Variants in GNPDA1 observed in about 807,000 individuals in gnomAD.
GNPDA1 encodes glucosamine-6-phosphate deaminase 1.
A neutral mutation model predicts 28.5 loss-of-function variants in GNPDA1; 24 were observed. That is an observed-to-expected ratio of 0.84 (90% CI 0.61 to 1.19). GNPDA1 has a LOEUF of 1.19. Among genes scored for constraint, GNPDA1 ranks in the 50% most tolerant of loss-of-function variants. The probability of loss-of-function intolerance (pLI) is 0.00; values close to 1 mark genes in which losing one functional copy is unlikely to be tolerated. For missense variants in GNPDA1, 264 were observed against 367.3 expected, an observed-to-expected ratio of 0.72 and a Z score of 2.30; for synonymous variants, 147 against 139.3, an observed-to-expected ratio of 1.06 and a Z score of -0.39.
intron 2 of GNPDA1, among the ~76,000 whole-genome samples, chr5:142,009,553 G>C (rs1414202613): frequency 4.6e-5 from 7 of 152,142 alleles, no homozygotes; most frequent in Non-Finnish European, 8.8e-5. Context: ...GGCTAGAACA[G>C]CTTTGCATAC....
At chr5:142,009,648 C>T (rs1755896013) in intron 2 of GNPDA1, among the ~76,000 whole-genome samples, 1 of 152,108 alleles carries the variant, frequency 6.6e-6, no homozygotes, top group South Asian at 2.1e-4. Flanking sequence ...TGTGACAAGG[C>T]CTTAGCTATG....
rs923012726 is a variant in GNPDA1, at chr5:142,003,351, G to A, written c.595-89C>T. 2.5e-5 allele frequency: 22 copies of A among 866,010 alleles called. No homozygotes were observed. The East Asian group carries it at 5.1e-4, about 20-fold the overall frequency. The allele number at this position is 866,010 out of a possible 1,614,324, so 53.6% of individuals were successfully genotyped here. On this transcript the variant is annotated intron_variant, in intron 5 of 6. Coordinates refer to ENST00000311337, the MANE Select transcript of GNPDA1 (RefSeq NM_005471.5). The surrounding 1 kb of genome is among the most constrained non-coding windows in gnomAD (Gnocchi z 4.0). ...GGATGATTGTTTTTCATATCACATT[G>A]TAAGTGGTTACCATGCAACATACTT...
At chr5:142,010,439 G>C (rs553493833) in intron 2 of GNPDA1, among the ~76,000 whole-genome samples, 1 of 148,980 alleles carries the variant, frequency 6.7e-6, no homozygotes, top group South Asian at 2.2e-4. Context: ...GATTACAGGC[G>C]TGAGCCACCA....
intron 2 of GNPDA1, among the ~76,000 whole-genome samples, chr5:142,008,791 AT>A (rs1755869412): frequency 1.3e-5 from 2 of 152,198 alleles, no homozygotes; most frequent in African/African-American, 4.8e-5. Flanking sequence ...GACACTGTAT[AT>A]TAAAAGACTA....
rs1427683171 is a variant in GNPDA1, at chr5:142,006,277, G to A, written c.276C>T (p.Asn92=). 3 of 1,613,962 alleles carry A rather than the reference G, an allele frequency of 1.9e-6. No individual in the cohort carries two copies. The highest frequency in any genetic ancestry group is 1.3e-5 in the African/African-American group (1 of 74,938). Residue 92 remains asparagine, a synonymous_variant, in exon 4 of 7, where the codon AAC becomes AAT. Coordinates refer to ENST00000311337, the MANE Select transcript of GNPDA1 (RefSeq NM_005471.5). ...GGTGGATGTCAATGTGCTTGAAGAAGTTGTTCCACATGAAGGAGTGGTAAC... is the reference window on the plus strand; with the variant it reads ...GGTGGATGTCAATGTGCTTGAAGAAATTGTTCCACATGAAGGAGTGGTAAC... ...PESYHSFMWN[N]FFKHIDIHPE... is the part of the protein sequence containing the mutation.
intron 5 of GNPDA1, 36 bp downstream of exon 5, chr5:142,004,896 C>T: frequency 7.0e-7 from 1 of 1,434,960 alleles, no homozygotes; most frequent in Non-Finnish European, 9.5e-7. Context: ...AAGACAAGTC[C>T]ACCAGCGCAA....
chr5:142,011,233 C>G (rs1485552737), intron 2 of GNPDA1, among the ~76,000 whole-genome samples: 1 of 97,240 alleles, frequency 1.0e-5, no homozygotes, highest in African/African-American at 4.2e-5. Flanking sequence ...GCAAGGAAGA[C>G]CAAAAAAAAA....
At chr5:142,010,777 G>A (rs1480270567) in intron 2 of GNPDA1, among the ~76,000 whole-genome samples, 1 of 151,282 alleles carries the variant, frequency 6.6e-6, no homozygotes, top group East Asian at 1.9e-4. Flanking sequence ...GCCTCCCAAA[G>A]TGCTGAAATT....
At chr5:142,010,305 C>G (rs1755911830) in intron 2 of GNPDA1, among the ~76,000 whole-genome samples, 1 of 152,042 alleles carries the variant, frequency 6.6e-6, no homozygotes, top group South Asian at 2.1e-4. Context: ...ATTATAGGTG[C>G]CCGCCACCAT....
At chr5:142,006,396 G>A in intron 3 of GNPDA1, 70 bp from the exon 4 acceptor site, 2 of 1,188,798 alleles carry the variant, frequency 1.7e-6, no homozygotes, top group African/African-American at 1.5e-5. Context: ...AGGATGCCAG[G>A]ACACCATGCT....
chr5:142,009,585 T>C (rs1368278714), intron 2 of GNPDA1, among the ~76,000 whole-genome samples: 2 of 152,162 alleles, frequency 1.3e-5, no homozygotes, highest in Non-Finnish European at 2.9e-5. Context: ...AATAAATACC[T>C]GCTGAGTGAA....
In GNPDA1 at chr5:142,001,797, A is replaced by G. The variant is rs76549061; in HGVS notation, c.*232T>C. 4,621 of 360,308 alleles carry G rather than the reference A, an allele frequency of 0.013. 193 individuals carry two copies. Among genetic ancestry groups the G allele is most frequent in the African/African-American group, 0.087 (4,116 of 47,204 alleles). The allele number at this position is 360,308 out of a possible 1,614,324, so 22.3% of individuals were successfully genotyped here. On this transcript the variant is annotated 3_prime_UTR_variant, in exon 7 of 7. Transcript: ENST00000311337. ...CCCAACCTGGGTTTGGCAGACATCA[A>G]AATGATGGAGTACATTTTGCAGATA...
chr5:142,008,777 G>A (rs1341297562), intron 2 of GNPDA1, among the ~76,000 whole-genome samples: 1 of 151,412 alleles, frequency 6.6e-6, no homozygotes, highest in Non-Finnish European at 1.5e-5. Flanking sequence ...ATAAAAGGTA[G>A]GAGGACACTG....
At chr5:142,009,059 A>AGT (rs10628648) in intron 2 of GNPDA1, among the ~76,000 whole-genome samples, 19,576 of 151,812 alleles carry the variant, frequency 0.13, 1,556 homozygotes, top group African/African-American at 0.23. Flanking sequence ...AGAAAAAAAA[A>AGT]GTGTGTGTGT....
intron 2 of GNPDA1, among the ~76,000 whole-genome samples, chr5:142,009,385 GAC>G (rs749695207): frequency 6.6e-5 from 10 of 151,916 alleles, no homozygotes; most frequent in Non-Finnish European, 1.5e-4. Context: ...CACCCCTGCC[GAC>G]ACACTCCCTA....
intron 2 of GNPDA1, 60 bp downstream of exon 2, chr5:142,011,852 G>GT (rs1343557320): frequency 1.9e-6 from 3 of 1,591,460 alleles, no homozygotes; most frequent in Non-Finnish European, 2.6e-6. Flanking sequence ...GGTGTACCTG[G>GT]CCCCTGTTGC....
chr5:142,003,912 AAG>A lies in GNPDA1; in HGVS notation c.595-652_595-651del, dbSNP rs1755739033. Among the ~76,000 whole-genome samples, 1 of 152,230 alleles carries A rather than the reference AAG, an allele frequency of 6.6e-6. No homozygotes were observed. The highest frequency in any genetic ancestry group is 2.4e-5 in the African/African-American group (1 of 41,458). On this transcript the variant is annotated intron_variant, in intron 5 of 6. Coordinates refer to ENST00000311337, the MANE Select transcript of GNPDA1 (RefSeq NM_005471.5). The surrounding 1 kb of genome is among the most constrained non-coding windows in gnomAD (Gnocchi z 4.0). ...ACTCAGCTCTATTCAAGGGCAGGAA[AAG>A]AGAAAAAAACTCAGTTCTGTAGATT...
At chr5:142,011,556 T>G (rs1487082380) in intron 2 of GNPDA1, among the ~76,000 whole-genome samples, 2 of 152,238 alleles carry the variant, frequency 1.3e-5, no homozygotes, top group East Asian at 3.8e-4. Context: ...CCCCTCTAGA[T>G]GCAGAGAAGA....
In GNPDA1 at chr5:142,002,945, T is replaced by A. The variant is rs1327834725; in HGVS notation, c.769+143A>T. On this transcript the variant is annotated intron_variant, in intron 6 of 6. Coordinates refer to ENST00000311337, the MANE Select transcript of GNPDA1 (RefSeq NM_005471.5). ...GTCACAGGCAGAAGAGAAATGACTG[T>A]GTAGTGTGATGCAGTTGGGTTTGAT... 1.1e-5 allele frequency: 7 copies of A among 637,052 alleles called. No individual in the cohort carries two copies. In the African/African-American group the frequency reaches 1.3e-4, roughly 12 times the overall value. 39.5% of individuals were successfully genotyped at this position (637,052 alleles called of 1,614,324 possible).
Sources: allele counts gnomAD v4.1 joint callset (sites outside exome capture counted in the v4.1 genomes callset), GRCh38; gene constraint gnomAD v4.1.1; non-coding constraint Gnocchi (gnomAD v3.1); transcripts MANE v1.5; gene names NCBI Gene and HGNC (gene_info 2026-07-23, HGNC 2026-07-21).